Variants in MAF observed in about 807,000 individuals in gnomAD.
MAF encodes transcription factor Maf.
In MAF, 10 loss-of-function variants were observed where a neutral mutation model predicts 22.0. The observed-to-expected ratio is 0.45, with a 90% CI of 0.28 to 0.77. MAF has a LOEUF of 0.77. Among genes scored for constraint, MAF ranks in the 30% least tolerant of loss-of-function variants. The pLI is 0.12. For missense variants in MAF, 544 were observed against 548.4 expected (o/e 0.99, Z 0.08); for synonymous variants, 337 against 255.8 (o/e 1.32, Z -3.03).
the MAF span, among the ~76,000 whole-genome samples, chr16:79,266,812 C>T: frequency 6.6e-6 from 1 of 152,158 alleles, no homozygotes; most frequent in Non-Finnish European, 1.5e-5. Flanking sequence ...GAACATGATC[C>T]TGCTGCCTGC....
At chr16:79,222,376 C>T in the MAF span, among the ~76,000 whole-genome samples, 1 of 151,938 alleles carries the variant, frequency 6.6e-6, no homozygotes, top group African/African-American at 2.4e-5. Context: ...CCAGCCACTG[C>T]AAAAAGATAC....
At chr16:79,451,548 A>C in the MAF span, among the ~76,000 whole-genome samples, 7 of 152,248 alleles carry the variant, frequency 4.6e-5, no homozygotes, top group Non-Finnish European at 1.0e-4. Context: ...TCAAGCTACA[A>C]TCCTGAAACA....
chr16:79,535,266 G>C, the MAF span, among the ~76,000 whole-genome samples: 2 of 151,958 alleles, frequency 1.3e-5, no homozygotes. Flanking sequence ...TCAGAGACTG[G>C]CTGTGGATGG....
chr16:79,431,111 C>T, the MAF span, among the ~76,000 whole-genome samples: 3 of 152,150 alleles, frequency 2.0e-5, no homozygotes, highest in African/African-American at 7.2e-5. Context: ...TGCCTCCACA[C>T]CAGGGTACAC....
the MAF span, among the ~76,000 whole-genome samples, chr16:79,353,940 G>C: frequency 0.31 from 47,785 of 151,946 alleles, 9,001 homozygotes; most frequent in Non-Finnish European, 0.44. Context: ...GCATGCCATG[G>C]TCTTCATGGA....
At chr16:79,536,152 G>A in the MAF span, among the ~76,000 whole-genome samples, 1 of 152,182 alleles carries the variant, frequency 6.6e-6, no homozygotes, top group African/African-American at 2.4e-5. Flanking sequence ...ATATAAGGCG[G>A]TACTTACCAA....
chr16:79,286,719 A>G, the MAF span, among the ~76,000 whole-genome samples: 1 of 152,212 alleles, frequency 6.6e-6, no homozygotes, highest in Non-Finnish European at 1.5e-5. Context: ...TTAACAGGTG[A>G]AACAACCCAG....
chr16:79,434,484 C>A, the MAF span, among the ~76,000 whole-genome samples: 1 of 152,146 alleles, frequency 6.6e-6, no homozygotes, highest in African/African-American at 2.4e-5. Flanking sequence ...GGGGCTGCTA[C>A]AAGCCAGCTC....
chr16:79,335,530 C>T, the MAF span, among the ~76,000 whole-genome samples: 81 of 152,216 alleles, frequency 5.3e-4, no homozygotes, highest in African/African-American at 1.6e-3. Flanking sequence ...TGGGTAGGAA[C>T]GGTGATGTTT....
the MAF span, among the ~76,000 whole-genome samples, chr16:79,477,695 G>A: frequency 7.9e-5 from 12 of 152,182 alleles, no homozygotes; most frequent in African/African-American, 2.4e-4. Flanking sequence ...CAAGCTGCTT[G>A]AAATTCATTG....
the MAF span, among the ~76,000 whole-genome samples, chr16:79,373,451 C>G: frequency 4.6e-5 from 6 of 131,682 alleles, no homozygotes; most frequent in East Asian, 1.5e-3. Context: ...GGAGTGATCT[C>G]AGCTCACTGC....
At chr16:79,224,907 G>C in the MAF span, among the ~76,000 whole-genome samples, 285 of 152,290 alleles carry the variant, frequency 1.9e-3, no homozygotes, top group Non-Finnish European at 2.7e-3. Context: ...TGGGTAGGAA[G>C]AATCAATATT....
chr16:79,480,653 G>T, the MAF span, among the ~76,000 whole-genome samples: 1 of 152,214 alleles, frequency 6.6e-6, no homozygotes, highest in Admixed American at 6.5e-5. Context: ...CTCTATCTGA[G>T]ATGGGATCTC....
the MAF span, among the ~76,000 whole-genome samples, chr16:79,445,213 T>G: frequency 6.7e-6 from 1 of 148,658 alleles, no homozygotes; most frequent in Non-Finnish European, 1.5e-5. Flanking sequence ...TTTTGTATTT[T>G]TTTTTTTTTT....
chr16:79,373,203 T>C, the MAF span, among the ~76,000 whole-genome samples: 1 of 152,044 alleles, frequency 6.6e-6, no homozygotes, highest in African/African-American at 2.4e-5. Flanking sequence ...TTTGAATGTT[T>C]GTCCTCTCCA....
At chr16:79,508,217 A>G in the MAF span, among the ~76,000 whole-genome samples, 1 of 152,124 alleles carries the variant, frequency 6.6e-6, no homozygotes, top group Non-Finnish European at 1.5e-5. Flanking sequence ...CCTTGCTCAA[A>G]TCTGCCTCAC....
At chr16:79,345,718 C>T in the MAF span, among the ~76,000 whole-genome samples, 11 of 94,172 alleles carry the variant, frequency 1.2e-4, no homozygotes, top group Admixed American at 5.1e-4. Context: ...CAGAGCAAGA[C>T]TCCGTCTCAA....
At chr16:79,583,893 A>G (rs1912680493), downstream of MAF, among the ~76,000 whole-genome samples, 1 of 152,210 alleles carries the variant, frequency 6.6e-6, no homozygotes, top group African/African-American at 2.4e-5. Context: ...GTTAATCTTC[A>G]TGTTAGAAGC....
At chr16:79,510,119 GT>G in the MAF span, among the ~76,000 whole-genome samples, 1 of 152,156 alleles carries the variant, frequency 6.6e-6, no homozygotes, top group Admixed American at 6.5e-5. Flanking sequence ...TTAAGCCTCA[GT>G]TTCTTCCTCC....
Sources: allele counts gnomAD v4.1 joint callset (sites outside exome capture counted in the v4.1 genomes callset), GRCh38; gene constraint gnomAD v4.1.1; transcripts MANE v1.5; gene names NCBI Gene and HGNC (gene_info 2026-07-23, HGNC 2026-07-21).